Variants in SUPT3H observed in about 807,000 individuals in gnomAD.
SUPT3H encodes SPT3 homolog, SAGA and STAGA complex component, also known as transcription initiation protein SPT3 homolog.
In SUPT3H, 44 loss-of-function variants were observed where a neutral mutation model predicts 44.3. The observed-to-expected ratio is 0.99, with a 90% CI of 0.78 to 1.28. The LOEUF (loss-of-function observed/expected upper bound fraction) is 1.28, where lower values mean the gene tolerates loss of function less well. Ranked by LOEUF, SUPT3H falls within the 50% of genes most tolerant of loss-of-function variation. The pLI, the probability that SUPT3H is intolerant of heterozygous loss-of-function variation, is 0.00. For missense variants in SUPT3H, 380 were observed against 387.1 expected, an observed-to-expected ratio of 0.98 and a Z score of 0.15; for synonymous variants, 124 against 125.6, an observed-to-expected ratio of 0.99 and a Z score of 0.09.
At chr6:45,023,525 CT>C (rs1315100127) in intron 3 of SUPT3H, among the ~76,000 whole-genome samples, 1 of 152,114 alleles carries the variant, frequency 6.6e-6, no homozygotes, top group Non-Finnish European at 1.5e-5. Flanking sequence ...ATGGAATCAA[CT>C]TAAATGCCCA....
intron 2 of SUPT3H, among the ~76,000 whole-genome samples, chr6:45,176,658 C>G (rs1811961140): frequency 6.6e-6 from 1 of 152,226 alleles, no homozygotes; most frequent in Non-Finnish European, 1.5e-5. Flanking sequence ...GTAACCTCTG[C>G]AGACTTAAAT....
At chr6:44,834,572 T>C (rs1769463930) in intron 10 of SUPT3H, among the ~76,000 whole-genome samples, 1 of 152,162 alleles carries the variant, frequency 6.6e-6, no homozygotes, top group Admixed American at 6.6e-5. Context: ...CAAGGAACAA[T>C]AGAACTTTGG....
chr6:45,015,457 G>A (rs1198038381), intron 4 of SUPT3H, among the ~76,000 whole-genome samples: 1 of 152,060 alleles, frequency 6.6e-6, no homozygotes, highest in Non-Finnish European at 1.5e-5. Context: ...GTCCATGAAT[G>A]AGTGGCAAGT....
intron 2 of SUPT3H, among the ~76,000 whole-genome samples, chr6:45,148,254 C>T (rs1271757191): frequency 1.3e-5 from 2 of 152,100 alleles, no homozygotes; most frequent in East Asian, 1.9e-4. Context: ...TGTATGTATA[C>T]ATTCATTTAG....
At position 45,356,916 on chromosome 6, in the gene SUPT3H, G is replaced by A. The variant is rs185923436; in HGVS notation, c.101+8285C>T. 2.8e-3 allele frequency among the ~76,000 whole-genome samples: 424 copies of A among 152,190 alleles called. 1 individual carries two copies. Among genetic ancestry groups the A allele is most frequent in the Non-Finnish European group, 4.2e-3 (284 of 68,012 alleles). On this transcript the variant is annotated intron_variant, in intron 2 of 10. Coordinates refer to ENST00000371459, the MANE Select transcript of SUPT3H (RefSeq NM_003599.4). Reference sequence around the variant, plus strand: ...TTTAATTTACAGAATTTACTGTAACGAGGCAAATCAATATATAATATAGGC... The same window carrying A: ...TTTAATTTACAGAATTTACTGTAACAAGGCAAATCAATATATAATATAGGC...
At chr6:45,051,259 G>C (rs955764222) in intron 3 of SUPT3H, among the ~76,000 whole-genome samples, 1 of 152,096 alleles carries the variant, frequency 6.6e-6, no homozygotes, top group South Asian at 2.1e-4. Flanking sequence ...TATGGGGAGG[G>C]AAGACAGGTA....
At chr6:44,817,536 A>G (rs1766992134) in intron 11 of SUPT3H, among the ~76,000 whole-genome samples, 1 of 152,138 alleles carries the variant, frequency 6.6e-6, no homozygotes. Flanking sequence ...AAAAAATTGT[A>G]TTTGCAAACA....
At chr6:45,096,784 A>G (rs1797842370) in intron 3 of SUPT3H, among the ~76,000 whole-genome samples, 1 of 152,142 alleles carries the variant, frequency 6.6e-6, no homozygotes, top group Admixed American at 6.5e-5. Context: ...ATTCAATAAA[A>G]ATCTGTATTG....
chr6:45,277,708 G>A (rs1296897076), intron 2 of SUPT3H, among the ~76,000 whole-genome samples: 2 of 152,122 alleles, frequency 1.3e-5, no homozygotes, highest in African/African-American at 4.8e-5. Context: ...AACATGACTT[G>A]GATCTCCGAT....
intron 3 of SUPT3H, among the ~76,000 whole-genome samples, chr6:45,077,387 C>T (rs894081870): frequency 5.9e-5 from 9 of 151,924 alleles, no homozygotes; most frequent in African/African-American, 2.2e-4. Flanking sequence ...AGCACTTTGG[C>T]AGGTTGAAGT....
intron 3 of SUPT3H, among the ~76,000 whole-genome samples, chr6:45,104,713 C>A (rs567128227): frequency 1.4e-4 from 22 of 151,728 alleles, no homozygotes; most frequent in African/African-American, 5.3e-4. Context: ...GTTAAAAAAA[C>A]AAATTAACAA....
chr6:45,025,115 CAT>C, intron 3 of SUPT3H, among the ~76,000 whole-genome samples: 2 of 152,264 alleles, frequency 1.3e-5, no homozygotes, highest in Middle Eastern at 6.8e-3. Flanking sequence ...CACACTCACA[CAT>C]ACTTACTGCC....
rs80353517 is a variant in SUPT3H, at chr6:44,947,948, G to A, written c.801+5362C>T. 3.9e-3 allele frequency among the ~76,000 whole-genome samples: 596 copies of A among 152,250 alleles called. 7 individuals are homozygous for A. Among genetic ancestry groups the A allele is most frequent in the African/African-American group, 0.014 (568 of 41,564 alleles). The stretch of plus-strand genomic sequence containing the variant: ...CATGGGAGTAGCCAAAGGTTTCTTA[G>A]GACACAGGCAATAAATATAAAAGAA... On this transcript the variant is annotated intron_variant, in intron 9 of 10. Coordinates refer to ENST00000371459, the MANE Select transcript of SUPT3H (RefSeq NM_003599.4).
At chr6:45,270,791 G>A (rs1775995332) in intron 2 of SUPT3H, among the ~76,000 whole-genome samples, 1 of 152,204 alleles carries the variant, frequency 6.6e-6, no homozygotes, top group South Asian at 2.1e-4. Flanking sequence ...GGCTCAGAAA[G>A]ACAGGAAAAT....
At chr6:44,945,567 T>C (rs555801318) in intron 9 of SUPT3H, among the ~76,000 whole-genome samples, 126 of 152,148 alleles carry the variant, frequency 8.3e-4, no homozygotes, top group Non-Finnish European at 1.6e-3. Flanking sequence ...AATGTTTCAG[T>C]AGGATGAATA....
intron 2 of SUPT3H, among the ~76,000 whole-genome samples, chr6:45,270,127 G>T (rs1562833675): frequency 6.6e-6 from 1 of 152,012 alleles, no homozygotes; most frequent in Non-Finnish European, 1.5e-5. Flanking sequence ...AAATGTAATT[G>T]AAAGATAAAA....
intron 10 of SUPT3H, among the ~76,000 whole-genome samples, chr6:44,903,462 C>T (rs1171503912): frequency 6.6e-6 from 1 of 151,954 alleles, no homozygotes; most frequent in Non-Finnish European, 1.5e-5. Flanking sequence ...ACACATACAC[C>T]CTCCCAAGAC....
intron 6 of SUPT3H, among the ~76,000 whole-genome samples, chr6:44,978,351 A>C (rs974466246): frequency 2.0e-5 from 3 of 152,156 alleles, no homozygotes; most frequent in African/African-American, 7.2e-5. Flanking sequence ...ACATGTAGTA[A>C]TTTGTCCAGG....
chr6:45,181,298 G>C (rs367733919), intron 2 of SUPT3H, among the ~76,000 whole-genome samples: 6 of 150,096 alleles, frequency 4.0e-5, no homozygotes, highest in African/African-American at 1.5e-4. Flanking sequence ...CATTGTGGAA[G>C]TCAGTGTGGC....
Sources: allele counts gnomAD v4.1 joint callset (sites outside exome capture counted in the v4.1 genomes callset), GRCh38; gene constraint gnomAD v4.1.1; transcripts MANE v1.5; gene names NCBI Gene and HGNC (gene_info 2026-07-23, HGNC 2026-07-21).